LHFPL3: variants seen among roughly 807,000 people sequenced by gnomAD.
The protein encoded by LHFPL3 is LHFPL tetraspan subfamily member 3 protein.
Under a neutral mutation model 19.3 loss-of-function variants are expected in LHFPL3, and 5 were observed. The ratio of observed to expected loss-of-function variants is 0.26; its 90% confidence interval spans 0.14 to 0.54. The LOEUF is 0.54. LHFPL3 is among the 20% of genes least tolerant of loss of function. The pLI, the probability that LHFPL3 is intolerant of heterozygous loss-of-function variation, is 0.94. For synonymous variants in LHFPL3, 133 were observed against 126.2 expected (o/e 1.05, Z -0.36); for missense variants, 249 against 307.4 (o/e 0.81, Z 1.42).
intron 1 of LHFPL3, among the ~76,000 whole-genome samples, chr7:104,418,753 T>G (rs2116528320): frequency 6.6e-6 from 1 of 152,314 alleles, no homozygotes; most frequent in South Asian, 2.1e-4. Flanking sequence ...ATAGGTGTGA[T>G]TCTGAAGAAC....
At chr7:104,332,816 T>C (rs752398560) in intron 1 of LHFPL3, among the ~76,000 whole-genome samples, 1 of 152,044 alleles carries the variant, frequency 6.6e-6, no homozygotes, top group African/African-American at 2.4e-5. Context: ...CATACTATCT[T>C]TGGATGTCAT....
chr7:104,782,508 C>T (rs998419511), intron 2 of LHFPL3, among the ~76,000 whole-genome samples: 17 of 152,310 alleles, frequency 1.1e-4, no homozygotes, highest in African/African-American at 3.9e-4. Flanking sequence ...TTCTCTTCAA[C>T]AAAAAGACAC....
At chr7:104,872,482 T>C (rs1468721866) in intron 2 of LHFPL3, among the ~76,000 whole-genome samples, 1 of 151,772 alleles carries the variant, frequency 6.6e-6, no homozygotes, top group Non-Finnish European at 1.5e-5. Flanking sequence ...CTGTCTCTAT[T>C]AAAAATACAC....
intron 2 of LHFPL3, among the ~76,000 whole-genome samples, chr7:104,842,422 T>C (rs557527467): frequency 6.6e-6 from 1 of 152,106 alleles, no homozygotes; most frequent in Non-Finnish European, 1.5e-5. Context: ...GAGCAGACCT[T>C]AGAAGAGACT....
At chr7:104,789,245 C>T (rs531736305) in intron 2 of LHFPL3, among the ~76,000 whole-genome samples, 3 of 152,256 alleles carry the variant, frequency 2.0e-5, no homozygotes, top group East Asian at 3.9e-4. Flanking sequence ...CTTTCTCTCC[C>T]TCTTTCGCAC....
chr7:104,677,821 C>T (rs4727610), intron 1 of LHFPL3, among the ~76,000 whole-genome samples: 151,135 of 152,338 alleles, frequency 0.99, 74,976 homozygotes, highest in East Asian at 1. Context: ...TAGCACGTGT[C>T]CCCATGACTG....
At chr7:104,516,184 A>G (rs1184405179) in intron 1 of LHFPL3, among the ~76,000 whole-genome samples, 5 of 152,092 alleles carry the variant, frequency 3.3e-5, no homozygotes, top group African/African-American at 7.2e-5. Flanking sequence ...CCTTCTTTAC[A>G]TGGTGGCATC....
intron 1 of LHFPL3, among the ~76,000 whole-genome samples, chr7:104,437,953 A>C (rs1792143761): frequency 6.6e-6 from 1 of 152,322 alleles, no homozygotes; most frequent in East Asian, 1.9e-4. Context: ...CTAAACCTTT[A>C]ATCATGGTTT....
intron 1 of LHFPL3, among the ~76,000 whole-genome samples, chr7:104,678,558 T>C (rs6955297): frequency 0.99 from 151,082 of 152,286 alleles, 74,952 homozygotes; most frequent in East Asian, 1. Flanking sequence ...AACCTACTAC[T>C]TTTTCTTTAC....
intron 1 of LHFPL3, among the ~76,000 whole-genome samples, chr7:104,536,545 T>G (rs1008012251): frequency 6.6e-6 from 1 of 152,226 alleles, no homozygotes; most frequent in Admixed American, 6.5e-5. Context: ...TTTCTCAATA[T>G]CAATTAAAGT....
intron 2 of LHFPL3, among the ~76,000 whole-genome samples, chr7:104,756,503 A>T (rs576376910): frequency 3.8e-4 from 58 of 152,072 alleles, no homozygotes; most frequent in Non-Finnish European, 7.2e-4. Context: ...TTTTATTTTT[A>T]TTTATTTATT....
intron 1 of LHFPL3, among the ~76,000 whole-genome samples, chr7:104,704,427 C>T (rs1793151552): frequency 6.6e-6 from 1 of 152,048 alleles, no homozygotes; most frequent in Non-Finnish European, 1.5e-5. Context: ...TTTAACCATA[C>T]ATTTTACAGG....
Position 104,404,977 on chromosome 7 carries a change from T to C in LHFPL3, c.445+75753T>C, listed in dbSNP as rs148282615. Among the ~76,000 whole-genome samples, 17 of 152,328 alleles carry C rather than the reference T, an allele frequency of 1.1e-4. No individual in the cohort carries two copies. The East Asian group carries it at 3.3e-3, about 29-fold the overall frequency. On this transcript the variant is annotated intron_variant, in intron 1 of 2. Coordinates refer to ENST00000424859, the MANE Select transcript of LHFPL3 (RefSeq NM_199000.3). Reference sequence around the variant, plus strand: ...GTTTTACCCTGGTCTATTGGTGATATTTGGCAATTAACTGATAAGGTCCGT... The same window carrying C: ...GTTTTACCCTGGTCTATTGGTGATACTTGGCAATTAACTGATAAGGTCCGT...
chr7:104,848,512 T>G (rs145066215), intron 2 of LHFPL3, among the ~76,000 whole-genome samples: 10 of 151,924 alleles, frequency 6.6e-5, no homozygotes, highest in African/African-American at 2.4e-4. Flanking sequence ...CAGCTTGGAG[T>G]TGGGGGTGGG....
chr7:104,382,333 AC>A (rs1383615577), intron 1 of LHFPL3, among the ~76,000 whole-genome samples: 2 of 152,212 alleles, frequency 1.3e-5, no homozygotes, highest in Non-Finnish European at 1.5e-5. Flanking sequence ...ATTAAAAAAA[AC>A]AAAATTAGCC....
At chr7:104,430,440 A>ATG (rs1791970844) in intron 1 of LHFPL3, among the ~76,000 whole-genome samples, 8 of 15,302 alleles carry the variant, frequency 5.2e-4, no homozygotes, top group Non-Finnish European at 7.5e-4. Flanking sequence ...ATATATATAT[A>ATG]TATATATATA....
chr7:104,899,026 C>T (rs1307441723), intron 2 of LHFPL3, among the ~76,000 whole-genome samples: 2 of 151,024 alleles, frequency 1.3e-5, no homozygotes, highest in African/African-American at 4.9e-5. Flanking sequence ...TCGCTTGAGC[C>T]CAGAAAGTCA....
chr7:104,440,038 G>GCGGGC (rs71153197), intron 1 of LHFPL3, among the ~76,000 whole-genome samples: 5 of 140,294 alleles, frequency 3.6e-5, no homozygotes, highest in Admixed American at 7.4e-5. Flanking sequence ...CAAAGCCTGG[G>GCGGGC]GGGGGGGAGG....
chr7:104,570,587 C>T (rs1299573328), intron 1 of LHFPL3, among the ~76,000 whole-genome samples: 1 of 152,136 alleles, frequency 6.6e-6, no homozygotes, highest in African/African-American at 2.4e-5. Flanking sequence ...CTGAAGCAAA[C>T]TTTTTTCCAG....
Sources: allele counts gnomAD v4.1 joint callset (sites outside exome capture counted in the v4.1 genomes callset), GRCh38; gene constraint gnomAD v4.1.1; transcripts MANE v1.5; gene names NCBI Gene and HGNC (gene_info 2026-07-23, HGNC 2026-07-21).